VPS9D1: variants seen among roughly 807,000 people sequenced by gnomAD.
VPS9D1 encodes the protein VPS9 domain-containing protein 1.
A neutral mutation model predicts 75.8 loss-of-function variants in VPS9D1; 78 were observed. The ratio of observed to expected loss-of-function variants is 1.03; its 90% CI spans 0.86 to 1.24. The LOEUF (loss-of-function observed/expected upper bound fraction) is 1.24, where lower values mean the gene tolerates loss of function less well. Among genes scored for constraint, VPS9D1 ranks in the 50% most tolerant of loss-of-function variants. VPS9D1 has a pLI of 0.00. For synonymous variants in VPS9D1, 481 were observed against 385.6 expected (o/e 1.25, Z -2.90); for missense variants, 1,057 against 847.7 (o/e 1.25, Z -3.07).
At chr16:89,709,138 CAAGAG>C in intron 12 of VPS9D1, 84 bp downstream of exon 12, 2 of 1,575,952 alleles carry the variant, frequency 1.3e-6, no homozygotes, top group Admixed American at 1.7e-5. Flanking sequence ...CGGCACGTGA[CAAGAG>C]AAGCTCAGTG....
intron 10 of VPS9D1, among the ~76,000 whole-genome samples, chr16:89,710,311 C>T (rs977343446): frequency 2.6e-5 from 4 of 152,078 alleles, no homozygotes; most frequent in Admixed American, 6.5e-5. Context: ...CTGGGCTGGG[C>T]GCGGTGGCTC....
chr16:89,717,722 C>T (rs1166874775), intron 2 of VPS9D1: 1 of 456,628 alleles, frequency 2.2e-6, no homozygotes, highest in Non-Finnish European at 4.4e-6. Flanking sequence ...CTTTGCTCTC[C>T]CCAGGGGATC....
chr16:89,712,683 C>T lies in VPS9D1; in HGVS notation c.465G>A (p.Gln155=). Residue 155 remains glutamine (Q), a synonymous_variant, in exon 5 of 15, where the codon CAG becomes CAA. Transcript: ENST00000389386. The part of the protein sequence containing the change: ...ELTPLEEASL[Q]NQKLKAAYEA... Reference sequence around the variant, plus strand: ...CATACGCAGCCTTCAGCTTCTGATTCTGCAGGGAGGCCTCCTCCAGTGGCG... The same window carrying T: ...CATACGCAGCCTTCAGCTTCTGATTTTGCAGGGAGGCCTCCTCCAGTGGCG... The T allele has an allele frequency of 6.2e-7, 1 of 1,611,266 alleles. No homozygotes were observed. The highest frequency in any genetic ancestry group is 8.5e-7 in the Non-Finnish European group (1 of 1,178,218).
At chr16:89,716,979 G>A in intron 2 of VPS9D1, 157 bp from the exon 3 acceptor site, 1 of 444,938 alleles carries the variant, frequency 2.2e-6, no homozygotes, top group Non-Finnish European at 3.4e-6. Context: ...TCCCCTCACT[G>A]ACCCTGGGCA....
Position 89,710,609 on chromosome 16 carries a change from A to G in VPS9D1, c.1235T>C (p.Val412Ala). 3 of 1,606,610 alleles carry G rather than the reference A, an allele frequency of 1.9e-6. No homozygotes were observed. The highest frequency in any genetic ancestry group is 2.6e-6 in the Non-Finnish European group (3 of 1,174,956). The change falls in exon 10 of 15, where the codon GTG (valine) becomes GCG (alanine). Residue 412 changes from valine (V) to alanine (A), a missense_variant. Val to Ala is a moderately conservative substitution (Grantham distance 64). Transcript: ENST00000389386. ...ACCTACGGCATTGTGGATCTCCTCC[A>G]CCGCGGTCTTCAGCTGCTGCAGCTG... ...EPQLQQLKTAVEEIHNAVDRL... is the reference protein window; with the variant it reads ...EPQLQQLKTAAEEIHNAVDRL...
intron 8 of VPS9D1, 100 bp downstream of exon 8, chr16:89,711,782 G>T: frequency 7.4e-7 from 1 of 1,347,212 alleles, no homozygotes; most frequent in East Asian, 2.6e-5. Flanking sequence ...GCCCCCCACA[G>T]CCTCTGGCTC....
At chr16:89,711,209 C>T (rs948100967) in intron 9 of VPS9D1, 118 bp downstream of exon 9, 64 of 1,251,140 alleles carry the variant, frequency 5.1e-5, no homozygotes, top group Non-Finnish European at 6.7e-5. Context: ...GCTGCAGTGT[C>T]CACGTGGCCG....
rs750551666 is a variant in VPS9D1, at chr16:89,711,279, C to T, written c.833+48G>A. On this transcript the variant is annotated intron_variant, in intron 9 of 14. Transcript: ENST00000389386. Reference sequence around the variant, plus strand: ...CGGCACCTGGCACCAGGCAGAGGTGCCCAAGGCCGGTGCGCAGGGGCTCTG... The same window carrying T: ...CGGCACCTGGCACCAGGCAGAGGTGTCCAAGGCCGGTGCGCAGGGGCTCTG... The T allele has an allele frequency of 9.6e-6, 15 of 1,556,064 alleles. No homozygotes were observed. In the Admixed American group the frequency reaches 1.9e-4, roughly 20 times the overall value.
chr16:89,717,895 C>T (rs772954032), intron 2 of VPS9D1: 28 of 440,334 alleles, frequency 6.4e-5, no homozygotes, highest in African/African-American at 4.3e-4. Context: ...CAGGGGCTCC[C>T]CCGACCTCTG....
chr16:89,708,286 C>A (rs2060834707), intron 14 of VPS9D1, 141 bp downstream of exon 14: 1 of 823,844 alleles, frequency 1.2e-6, no homozygotes, highest in Non-Finnish European at 1.9e-6. Flanking sequence ...CAGGTGGACC[C>A]ACAGGGGCTG....
At position 89,716,628 on chromosome 16, in the gene VPS9D1, C is replaced by G. The variant is rs775859291; in HGVS notation, c.269-4G>C. 2 of 1,612,378 alleles carry G rather than the reference C, an allele frequency of 1.2e-6. No individual in the cohort carries two copies. The highest frequency in any genetic ancestry group is 2.2e-5 in the East Asian group (1 of 44,854). On this transcript the variant is annotated splice_polypyrimidine_tract_variant and splice_region_variant and intron_variant, in intron 3 of 14. Coordinates refer to ENST00000389386, the MANE Select transcript of VPS9D1 (RefSeq NM_004913.3). Reference sequence around the variant, plus strand: ...GTTGGCTTCAGGCGTGTTTTCCCTGCAAGCCATGGGTAACCAGGGGTCAAG... The same window carrying G: ...GTTGGCTTCAGGCGTGTTTTCCCTGGAAGCCATGGGTAACCAGGGGTCAAG...
chr16:89,712,332 G>C, intron 6 of VPS9D1, 128 bp downstream of exon 6: 1 of 1,414,974 alleles, frequency 7.1e-7, no homozygotes. Context: ...TCTGCAAAGC[G>C]GGGAGCCCCT....
chr16:89,710,350 C>CTG (rs1277831420), intron 10 of VPS9D1, among the ~76,000 whole-genome samples: 6 of 152,210 alleles, frequency 3.9e-5, no homozygotes, highest in Middle Eastern at 3.4e-3. Context: ...CTTTGGGAGG[C>CTG]CGGGGTGGGC....
intron 4 of VPS9D1, 145 bp downstream of exon 4, chr16:89,716,317 G>T: frequency 8.0e-7 from 1 of 1,251,982 alleles, no homozygotes; most frequent in Non-Finnish European, 1.1e-6. Context: ...CGTGAGCCAA[G>T]ATTGAGCCGC....
chr16:89,711,545 G>A, intron 8 of VPS9D1, 133 bp from the exon 9 acceptor site: 3 of 890,382 alleles, frequency 3.4e-6, no homozygotes, highest in Non-Finnish European at 5.1e-6. Flanking sequence ...GCGCCAGCAG[G>A]CCCCGCGACC....
chr16:89,717,835 C>A, intron 2 of VPS9D1: 1 of 456,712 alleles, frequency 2.2e-6, no homozygotes, highest in South Asian at 1.5e-5. Context: ...TCCCCCTGAC[C>A]TGTGTGATCC....
At chr16:89,716,382 A>T (rs74033841) in intron 4 of VPS9D1, 80 bp downstream of exon 4, 1 of 1,576,972 alleles carries the variant, frequency 6.3e-7, no homozygotes, top group Admixed American at 1.9e-5. Flanking sequence ...CAAAAAAAAA[A>T]TCGCTGTCAT....
chr16:89,709,878 G>C lies in VPS9D1; in HGVS notation c.1287C>G (p.Ala429=). 1 of 1,612,988 alleles carries C rather than the reference G, an allele frequency of 6.2e-7. No individual in the cohort carries two copies. Among genetic ancestry groups the C allele is most frequent in the Non-Finnish European group, 8.5e-7 (1 of 1,179,550 alleles). ...VDRLLSLTLL[A]FEGLNTAASK... ...AGGCAGCTGTGTTTAGGCCTTCGAA[G>C]GCCAGAAGGGTCAGCGAGAGCAGCC... is the stretch of plus-strand genomic sequence containing the variant. Residue 429 remains alanine, a synonymous_variant, in exon 11 of 15, where the codon GCC becomes GCG. Coordinates refer to ENST00000389386, the MANE Select transcript of VPS9D1 (RefSeq NM_004913.3).
In VPS9D1 at chr16:89,716,740, G is replaced by A. The variant is rs757122641; in HGVS notation, c.258C>T (p.Ala86=). ...QQCLERAQST[A]AKLGKTRLKP... ...CTGCAGGAGACCCACCAAGCTTGGCGGCCGTCGACTGGGCCCTCTCCAGAC... is the reference window on the plus strand; with the variant it reads ...CTGCAGGAGACCCACCAAGCTTGGCAGCCGTCGACTGGGCCCTCTCCAGAC... The change falls in exon 3 of 15, where the codon GCC becomes GCT. Residue 86 remains alanine (A), a synonymous_variant. Transcript: ENST00000389386. The A allele has an allele frequency of 1.8e-5, 29 of 1,588,040 alleles. No homozygotes were observed. The highest frequency in any genetic ancestry group is 1.7e-4 in the Middle Eastern group (1 of 5,832).
Sources: allele counts gnomAD v4.1 joint callset (sites outside exome capture counted in the v4.1 genomes callset), GRCh38; gene constraint gnomAD v4.1.1; transcripts MANE v1.5; gene names NCBI Gene and HGNC (gene_info 2026-07-23, HGNC 2026-07-21).